The following PIK3CG variants were observed in gnomAD, a reference collection of about 807,000 sequenced individuals.
The protein encoded by PIK3CG is phosphatidylinositol-4,5-bisphosphate 3-kinase catalytic subunit gamma.
In PIK3CG, 55 loss-of-function variants were observed where a neutral mutation model predicts 102.3. The observed-to-expected ratio is 0.54, with a 90% CI of 0.43 to 0.67. The LOEUF is 0.67. Ranked by LOEUF, PIK3CG falls within the 30% of genes least tolerant of loss-of-function variation. The pLI is 0.00. For synonymous variants in PIK3CG, 552 were observed against 540.0 expected (o/e 1.02, Z -0.31); for missense variants, 1,258 against 1,391.8 (o/e 0.90, Z 1.53).
rs1328864366 is a variant in PIK3CG, at chr7:106,879,003, TA to T, written c.2392-515del. On this transcript the variant is annotated intron_variant, in intron 5 of 10. Transcript: ENST00000496166. The surrounding 1 kb of genome is among the most constrained non-coding windows in gnomAD (Gnocchi z 4.9). The stretch of plus-strand genomic sequence containing the variant: ...TGAATTTATTTAGATGTATGAGGTT[TA>T]GGGGGAGGGCGTGTTGTACCTAAAT... 5.3e-5 allele frequency among the ~76,000 whole-genome samples: 8 copies of T among 152,310 alleles called. No individual in the cohort carries two copies. The South Asian group carries it at 1.7e-3, about 32-fold the overall frequency.
intron 4 of PIK3CG, 69 bp downstream of exon 4, chr7:106,873,007 A>G: frequency 8.6e-7 from 1 of 1,160,824 alleles, no homozygotes; most frequent in East Asian, 2.4e-5. Context: ...TGTTCCTATA[A>G]TTCTTTTTCT....
At position 106,872,322 on chromosome 7, in the gene PIK3CG, A is replaced by G. The variant is rs1790558460; in HGVS notation, c.1996-215A>G. On this transcript the variant is annotated intron_variant, in intron 2 of 10. Coordinates refer to ENST00000496166, the MANE Select transcript of PIK3CG (RefSeq NM_001282426.2). This position sits in a 1 kb window ranked among gnomAD's most constrained non-coding sequence, Gnocchi z 5.3. ...AAAGTTTCATCCTCTAATCCCAGTT[A>G]TGTCATCGGCTGCTCTATGATCTTA... Among the ~76,000 whole-genome samples, 1 of 152,194 alleles carries G rather than the reference A, an allele frequency of 6.6e-6. No homozygotes were observed. The highest frequency in any genetic ancestry group is 6.5e-5 in the Admixed American group (1 of 15,282).
chr7:106,870,632 G>A, intron 2 of PIK3CG, among the ~76,000 whole-genome samples: 1 of 152,156 alleles, frequency 6.6e-6, no homozygotes, highest in East Asian at 1.9e-4. Flanking sequence ...GAGACCCCGG[G>A]ACAGTTCTGA....
In PIK3CG at chr7:106,874,684, C is replaced by G. The variant is rs1274841629; in HGVS notation, c.2288-16C>G. ...CTGGAACTCACATAACTCTTGTGTA[C>G]TTTTGACAATTACAGTTATTTCACA... On this transcript the variant is annotated splice_polypyrimidine_tract_variant and intron_variant, in intron 4 of 10. Coordinates refer to ENST00000496166, the MANE Select transcript of PIK3CG (RefSeq NM_001282426.2). This position sits in a 1 kb window ranked among gnomAD's most constrained non-coding sequence, Gnocchi z 4.3. The G allele has an allele frequency of 6.6e-7, 1 of 1,521,242 alleles. No homozygotes were observed. The highest frequency in any genetic ancestry group is 9.1e-7 in the Non-Finnish European group (1 of 1,096,006). 94.2% of individuals were successfully genotyped at this position (1,521,242 alleles called of 1,614,324 possible). A position where few individuals can be genotyped will look rare whatever the true frequency, so the allele number is the denominator to read the frequency against.
At position 106,867,806 on chromosome 7, in the gene PIK3CG, G is replaced by C. The variant is rs2116422411; in HGVS notation, c.245G>C (p.Ser82Thr). The C allele has an allele frequency of 2.5e-6, 4 of 1,612,524 alleles. No individual in the cohort carries two copies. Among genetic ancestry groups the C allele is most frequent in the East Asian group, 2.2e-5 (1 of 44,864 alleles). ...AQVWLRALET[S>T]VAADFYHRLG... ...GTGTGGCTGCGAGCGCTGGAGACCA[G>C]CGTGGCGGCGGACTTCTACCACCGG... The change falls in exon 2 of 11, where the codon AGC (serine) becomes ACC (threonine). Residue 82 changes from serine (S) to threonine (T), a missense_variant. Coordinates refer to ENST00000496166, the MANE Select transcript of PIK3CG (RefSeq NM_001282426.2). The surrounding 1 kb of genome is among the most constrained non-coding windows in gnomAD (Gnocchi z 5.1).
intron 10 of PIK3CG, among the ~76,000 whole-genome samples, chr7:106,889,230 C>T (rs1185989454): frequency 2.6e-5 from 4 of 152,132 alleles, no homozygotes; most frequent in African/African-American, 7.2e-5. Flanking sequence ...TCCTTCACAA[C>T]AGGAAAAAAA....
intron 7 of PIK3CG, chr7:106,882,721 G>A (rs1260088662): frequency 8.5e-6 from 2 of 235,754 alleles, no homozygotes; most frequent in Non-Finnish European, 1.6e-5. Context: ...AAAAGGAAAA[G>A]GCACAGATTG....
chr7:106,898,794 A>C (rs1413730980), intron 10 of PIK3CG, among the ~76,000 whole-genome samples: 1 of 152,162 alleles, frequency 6.6e-6, no homozygotes, highest in East Asian at 1.9e-4. Flanking sequence ...TATAGTTTAA[A>C]GTCAGGTAAT....
intron 6 of PIK3CG, 130 bp from the exon 7 acceptor site, chr7:106,881,987 G>T (rs1289853846): frequency 1.1e-5 from 4 of 367,558 alleles, no homozygotes; most frequent in Non-Finnish European, 1.9e-5. Context: ...ACGTACAGTT[G>T]TTACTTATAT....
chr7:106,874,228 TCTTCTCTA>T lies in PIK3CG; in HGVS notation c.2288-462_2288-455del, dbSNP rs920070519. Among the ~76,000 whole-genome samples the T allele has an allele frequency of 2.0e-5, 3 of 152,222 alleles. No homozygotes were observed. The highest frequency in any genetic ancestry group is 7.2e-5 in the African/African-American group (3 of 41,456). ...TAGAATTTTAAGGCTGTCACATCCATCTTCTCTACTTCTCTACAGAACCTAACTTCCTC... is the reference window on the plus strand; with the variant it reads ...TAGAATTTTAAGGCTGTCACATCCATCTTCTCTACAGAACCTAACTTCCTC... On this transcript the variant is annotated intron_variant, in intron 4 of 10. Coordinates refer to ENST00000496166, the MANE Select transcript of PIK3CG (RefSeq NM_001282426.2). This position sits in a 1 kb window ranked among gnomAD's most constrained non-coding sequence, Gnocchi z 4.3.
chr7:106,882,548 A>C (rs529497327), intron 7 of PIK3CG: 33 of 187,042 alleles, frequency 1.8e-4, no homozygotes, highest in African/African-American at 7.4e-4. Flanking sequence ...AAGATCTGTC[A>C]CTTATTTTAG....
chr7:106,882,995 C>A (rs762485458), intron 7 of PIK3CG, 38 bp from the exon 8 acceptor site: 3 of 1,605,144 alleles, frequency 1.9e-6, no homozygotes, highest in Non-Finnish European at 2.6e-6. Flanking sequence ...CAGGTACTGG[C>A]CCCCAATCTC....
At chr7:106,901,250 AT>A (rs2116607744) in intron 10 of PIK3CG, among the ~76,000 whole-genome samples, 1 of 145,528 alleles carries the variant, frequency 6.9e-6, no homozygotes, top group Admixed American at 6.8e-5. Context: ...TTTTTTTTTC[AT>A]TTCTTTTTTT....
chr7:106,892,836 G>C lies in PIK3CG; in HGVS notation c.3030+6544G>C. ...TTTCATTTTTCCAGGCAGATACAGG[G>C]AAGGGAGGGAACATCCAGACAGAAA... On this transcript the variant is annotated intron_variant, in intron 10 of 10. Transcript: ENST00000496166. This position sits in a 1 kb window ranked among gnomAD's most constrained non-coding sequence, Gnocchi z 5.2. Among the ~76,000 whole-genome samples the C allele has an allele frequency of 6.6e-6, 1 of 152,196 alleles. No homozygotes were observed. Among genetic ancestry groups the C allele is most frequent in the Admixed American group, 6.5e-5 (1 of 15,274 alleles).
rs11275682 is a variant in PIK3CG at position 106,880,429 on chromosome 7, A to ACCTTTGCTTTG, written c.2538+788_2538+798dup. On this transcript the variant is annotated intron_variant, in intron 6 of 10. Coordinates refer to ENST00000496166, the MANE Select transcript of PIK3CG (RefSeq NM_001282426.2). This position sits in a 1 kb window ranked among gnomAD's most constrained non-coding sequence, Gnocchi z 4.2. ...TTATTTCTAATATAGAAACAGGAAT[A>ACCTTTGCTTTG]CCTTTGCTTTGCCTTTGCTTTGCCT... 8.6e-4 allele frequency among the ~76,000 whole-genome samples: 131 copies of ACCTTTGCTTTG among 151,820 alleles called. 1 individual carries two copies. Among genetic ancestry groups the ACCTTTGCTTTG allele is most frequent in the African/African-American group, 3.0e-3 (123 of 41,412 alleles).
rs1201566579 is a variant in PIK3CG at position 106,897,090 on chromosome 7, A to G, written c.3031-8019A>G. Among the ~76,000 whole-genome samples the G allele has an allele frequency of 6.6e-6, 1 of 152,224 alleles. No homozygotes were observed. The highest frequency in any genetic ancestry group is 2.4e-5 in the African/African-American group (1 of 41,462). On this transcript the variant is annotated intron_variant, in intron 10 of 10. Transcript: ENST00000496166. The surrounding 1 kb of genome is among the most constrained non-coding windows in gnomAD (Gnocchi z 4.6). Reference sequence around the variant, plus strand: ...ACCTCTTAAACACTTTTACATGTTTATTAAATATCCTTCTACAGTATCTTT... The same window carrying G: ...ACCTCTTAAACACTTTTACATGTTTGTTAAATATCCTTCTACAGTATCTTT...
intron 2 of PIK3CG, among the ~76,000 whole-genome samples, chr7:106,870,906 T>C (rs1790512674): frequency 6.6e-6 from 1 of 152,218 alleles, no homozygotes; most frequent in African/African-American, 2.4e-5. Flanking sequence ...TTTAGAATAA[T>C]TAAAGAATCT....
chr7:106,904,332 T>C (rs1013104205), intron 10 of PIK3CG, among the ~76,000 whole-genome samples: 2 of 151,956 alleles, frequency 1.3e-5, no homozygotes, highest in Admixed American at 1.3e-4. Context: ...TAACTTTAGT[T>C]TTCTTTAATA....
rs767882269 is a variant in PIK3CG, at chr7:106,868,689, C to T, written c.1128C>T (p.Asn376=). ...TTGATATCCCCGTCCTGCCTCGGAACACCGACCTCACAGTTTTTGTAGAGG... is the reference window on the plus strand; with the variant it reads ...TTGATATCCCCGTCCTGCCTCGGAATACCGACCTCACAGTTTTTGTAGAGG... ...RGIDIPVLPR[N]TDLTVFVEAN... Residue 376 remains asparagine, a synonymous_variant, in exon 2 of 11, where the codon AAC becomes AAT. Coordinates refer to ENST00000496166, the MANE Select transcript of PIK3CG (RefSeq NM_001282426.2). This position sits in a 1 kb window ranked among gnomAD's most constrained non-coding sequence, Gnocchi z 6.2. 4 of 1,614,232 alleles carry T rather than the reference C, an allele frequency of 2.5e-6. No homozygotes were observed. The highest frequency in any genetic ancestry group is 1.1e-5 in the South Asian group (1 of 91,086).
Sources: allele counts gnomAD v4.1 joint callset (sites outside exome capture counted in the v4.1 genomes callset), GRCh38; gene constraint gnomAD v4.1.1; non-coding constraint Gnocchi (gnomAD v3.1); transcripts MANE v1.5; gene names NCBI Gene and HGNC (gene_info 2026-07-23, HGNC 2026-07-21).